SLC35F4: variants seen among roughly 807,000 people sequenced by gnomAD.
The protein encoded by SLC35F4 is solute carrier family 35 member F4.
In SLC35F4, 24 loss-of-function variants were observed where a neutral mutation model predicts 44.2. That is an observed-to-expected ratio of 0.54 (90% CI 0.39 to 0.76). The LOEUF is 0.76. Among genes scored for constraint, SLC35F4 ranks in the 30% least tolerant of loss-of-function variants. The pLI is 0.00. For synonymous variants in SLC35F4, 238 were observed against 223.6 expected, an observed-to-expected ratio of 1.06 and a Z score of -0.57; for missense variants, 562 against 586.1, an observed-to-expected ratio of 0.96 and a Z score of 0.42.
chr14:57,573,797 AG>A (rs2068641601), intron 4 of SLC35F4, among the ~76,000 whole-genome samples: 1 of 152,362 alleles, frequency 6.6e-6, no homozygotes, highest in South Asian at 2.1e-4. Context: ...GTGCACAAAT[AG>A]ATTTCCTTCA....
chr14:57,615,544 T>C (rs561559866), intron 1 of SLC35F4, among the ~76,000 whole-genome samples: 3 of 152,234 alleles, frequency 2.0e-5, no homozygotes, highest in Admixed American at 2.0e-4. Context: ...CAAAACAATA[T>C]TGAGGTTTTT....
chr14:57,743,500 A>G (rs1023641430), intron 1 of SLC35F4, among the ~76,000 whole-genome samples: 2 of 152,218 alleles, frequency 1.3e-5, no homozygotes, highest in South Asian at 4.1e-4. Context: ...TCCTGGACAC[A>G]TACACCCTCC....
At chr14:57,706,732 A>G (rs1196627511) in intron 1 of SLC35F4, among the ~76,000 whole-genome samples, 1 of 152,108 alleles carries the variant, frequency 6.6e-6, no homozygotes, top group African/African-American at 2.4e-5. Flanking sequence ...AAGAGATGGG[A>G]AAGAAGATCA....
intron 1 of SLC35F4, among the ~76,000 whole-genome samples, chr14:57,770,910 G>A (rs2077348395): frequency 6.6e-6 from 1 of 152,088 alleles, no homozygotes; most frequent in South Asian, 2.1e-4. Flanking sequence ...CATACTCAGG[G>A]GATAAGATTT....
At chr14:57,959,174 T>A (rs902674183) in intron 1 of SLC35F4, among the ~76,000 whole-genome samples, 1 of 152,228 alleles carries the variant, frequency 6.6e-6, no homozygotes, top group African/African-American at 2.4e-5. Flanking sequence ...GTATGGTATA[T>A]GTACTGCTGG....
chr14:57,969,402 C>T (rs964103797), intron 1 of SLC35F4, among the ~76,000 whole-genome samples: 3 of 152,028 alleles, frequency 2.0e-5, no homozygotes, highest in Non-Finnish European at 2.9e-5. Flanking sequence ...TTGTCTTATC[C>T]TTTAATTGAA....
intron 1 of SLC35F4, among the ~76,000 whole-genome samples, chr14:57,723,719 C>T (rs998316827): frequency 6.6e-6 from 1 of 152,192 alleles, no homozygotes; most frequent in African/African-American, 2.4e-5. Flanking sequence ...TACTATCCTA[C>T]CTCAGGGGTA....
At chr14:57,897,982 T>A (rs1388431538) in intron 1 of SLC35F4, among the ~76,000 whole-genome samples, 2 of 152,324 alleles carry the variant, frequency 1.3e-5, no homozygotes. Flanking sequence ...GAAATTTAAA[T>A]ATCTTTGAAT....
At chr14:57,803,582 CTT>C (rs532690276) in intron 1 of SLC35F4, among the ~76,000 whole-genome samples, 4,143 of 79,606 alleles carry the variant, frequency 0.052, 96 homozygotes, top group African/African-American at 0.15. Flanking sequence ...AAAGCTTCTT[CTT>C]TTTTTTTTTT....
At chr14:57,834,291 C>A (rs539943616) in intron 1 of SLC35F4, among the ~76,000 whole-genome samples, 7 of 152,332 alleles carry the variant, frequency 4.6e-5, no homozygotes, top group African/African-American at 1.7e-4. Context: ...TTGCACTTCA[C>A]TGAATAACTA....
intron 4 of SLC35F4, among the ~76,000 whole-genome samples, chr14:57,578,181 T>C (rs2068936402): frequency 6.6e-6 from 1 of 152,004 alleles, no homozygotes. Context: ...AGGCCATAGC[T>C]TCTCATTTTA....
intron 1 of SLC35F4, among the ~76,000 whole-genome samples, chr14:57,628,054 C>T (rs1455885656): frequency 6.6e-6 from 1 of 152,022 alleles, no homozygotes; most frequent in African/African-American, 2.4e-5. Flanking sequence ...ATGCTTGATT[C>T]TTATATAGAA....
At chr14:57,964,943 G>C (rs999545415) in intron 1 of SLC35F4, among the ~76,000 whole-genome samples, 13 of 139,972 alleles carry the variant, frequency 9.3e-5, no homozygotes, top group African/African-American at 3.0e-4. Context: ...TCTCAAACTT[G>C]TCTTTCATAA....
intron 1 of SLC35F4, among the ~76,000 whole-genome samples, chr14:57,909,730 T>C (rs1265864958): frequency 6.6e-6 from 1 of 152,168 alleles, no homozygotes. Flanking sequence ...CTGAGGGATA[T>C]GTTGGTTGCT....
At chr14:57,884,229 C>G (rs932082682) in intron 1 of SLC35F4, among the ~76,000 whole-genome samples, 2 of 152,204 alleles carry the variant, frequency 1.3e-5, no homozygotes, top group East Asian at 3.9e-4. Flanking sequence ...TAGACAAAAC[C>G]GAAGGTGATT....
intron 1 of SLC35F4, among the ~76,000 whole-genome samples, chr14:57,670,074 G>T (rs1295760297): frequency 1.3e-5 from 2 of 152,018 alleles, no homozygotes; most frequent in Non-Finnish European, 2.9e-5. Flanking sequence ...TGTATGTGTC[G>T]AGGAATTTAT....
chr14:57,937,358 G>A (rs922498273), intron 1 of SLC35F4, among the ~76,000 whole-genome samples: 3 of 151,972 alleles, frequency 2.0e-5, no homozygotes, highest in Non-Finnish European at 2.9e-5. Context: ...GCGAGCCACC[G>A]CACCTGGCCT....
At chr14:57,920,425 T>C (rs1419047703) in intron 1 of SLC35F4, among the ~76,000 whole-genome samples, 1 of 151,982 alleles carries the variant, frequency 6.6e-6, no homozygotes, top group African/African-American at 2.4e-5. Flanking sequence ...ACTAAAAAAT[T>C]AGCCAGGCAT....
chr14:57,899,147 T>A (rs1319124263), intron 1 of SLC35F4, among the ~76,000 whole-genome samples: 5 of 152,248 alleles, frequency 3.3e-5, no homozygotes, highest in African/African-American at 4.8e-5. Context: ...TGAGATTTTA[T>A]GAAAATTATA....
Sources: allele counts gnomAD v4.1 joint callset (sites outside exome capture counted in the v4.1 genomes callset), GRCh38; gene constraint gnomAD v4.1.1; transcripts MANE v1.5; gene names NCBI Gene and HGNC (gene_info 2026-07-23, HGNC 2026-07-21).